Variants in ATXN1 observed in about 807,000 individuals in gnomAD.
ATXN1 encodes ataxin 1, also known as ataxin-1.
A neutral mutation model predicts 56.4 loss-of-function variants in ATXN1; 8 were observed. The ratio of observed to expected loss-of-function variants is 0.14; its 90% confidence interval spans 0.08 to 0.26. The LOEUF is 0.26. Ranked by LOEUF, ATXN1 falls within the 10% of genes least tolerant of loss-of-function variation. ATXN1 has a pLI of 1.00. For synonymous variants in ATXN1, 514 were observed against 494.6 expected (o/e 1.04, Z -0.52); for missense variants, 987 against 1,106.5 (o/e 0.89, Z 1.53).
chr6:16,480,745 ATGT>A (rs1262599826), intron 6 of ATXN1, among the ~76,000 whole-genome samples: 4 of 152,116 alleles, frequency 2.6e-5, no homozygotes, highest in African/African-American at 9.7e-5. Flanking sequence ...TAGAACACAA[ATGT>A]TGTAAAAGAT....
At chr6:16,549,894 CT>C (rs1429934341) in intron 4 of ATXN1, among the ~76,000 whole-genome samples, 35 of 71,564 alleles carry the variant, frequency 4.9e-4, no homozygotes, top group Non-Finnish European at 6.2e-4. Flanking sequence ...GAAACTCTGT[CT>C]CAAAAAAAAA....
At chr6:16,443,709 G>A (rs1331428875) in intron 6 of ATXN1, among the ~76,000 whole-genome samples, 1 of 152,226 alleles carries the variant, frequency 6.6e-6, no homozygotes, top group Non-Finnish European at 1.5e-5. Flanking sequence ...TGGTGTGAGT[G>A]AGAACTGCTA....
chr6:16,697,877 T>C (rs1037990065), intron 2 of ATXN1, among the ~76,000 whole-genome samples: 11 of 152,116 alleles, frequency 7.2e-5, no homozygotes, highest in African/African-American at 2.7e-4. Context: ...TTTTCACCAA[T>C]AAATAGCCAC....
intron 6 of ATXN1, among the ~76,000 whole-genome samples, chr6:16,476,042 T>C (rs889865744): frequency 2.6e-5 from 4 of 151,924 alleles, no homozygotes; most frequent in Admixed American, 2.6e-4. Context: ...GCTAATTTTA[T>C]ATATATTTTT....
At position 16,328,827 on chromosome 6, in the gene ATXN1, T is replaced by C. The variant is rs753740248; in HGVS notation, c.-160-357A>G. On this transcript the variant is annotated intron_variant, in intron 6 of 7. Coordinates refer to ENST00000436367, the MANE Select transcript of ATXN1 (RefSeq NM_001128164.2). This position sits in a 1 kb window ranked among gnomAD's most constrained non-coding sequence, Gnocchi z 6.2. ...CTGTAGTCCCAGCTACTTGAGAGGCTGAGGCAGGAGAATTGCTTGAACCCA... is the reference window on the plus strand; with the variant it reads ...CTGTAGTCCCAGCTACTTGAGAGGCCGAGGCAGGAGAATTGCTTGAACCCA... 8.5e-5 allele frequency among the ~76,000 whole-genome samples: 13 copies of C among 152,146 alleles called. No individual in the cohort carries two copies. The highest frequency in any genetic ancestry group is 1.5e-4 in the Non-Finnish European group (10 of 68,024).
intron 3 of ATXN1, among the ~76,000 whole-genome samples, chr6:16,632,502 C>A (rs1763522583): frequency 6.6e-6 from 1 of 152,074 alleles, no homozygotes; most frequent in South Asian, 2.1e-4. Flanking sequence ...TTGTCAATGA[C>A]CCAGAATCAC....
intron 3 of ATXN1, among the ~76,000 whole-genome samples, chr6:16,616,888 A>C (rs2113796674): frequency 6.6e-6 from 1 of 151,594 alleles, no homozygotes; most frequent in East Asian, 1.9e-4. Context: ...GTACAGTACA[A>C]GAAGATATTT....
At chr6:16,548,432 A>G (rs1198464607) in intron 4 of ATXN1, among the ~76,000 whole-genome samples, 1 of 152,224 alleles carries the variant, frequency 6.6e-6, no homozygotes, top group Non-Finnish European at 1.5e-5. Context: ...TCTTTCTTCA[A>G]TAATAAATTA....
At chr6:16,564,113 C>T (rs1248179628) in intron 4 of ATXN1, among the ~76,000 whole-genome samples, 3 of 152,172 alleles carry the variant, frequency 2.0e-5, no homozygotes, top group Non-Finnish European at 4.4e-5. Context: ...CTCTCTAAAC[C>T]TCAGCCCCCG....
At position 16,499,554 on chromosome 6, in the gene ATXN1, G is replaced by A. The variant is rs1405736868; in HGVS notation, c.-298-13445C>T. On this transcript the variant is annotated intron_variant, in intron 5 of 7. Coordinates refer to ENST00000436367, the MANE Select transcript of ATXN1 (RefSeq NM_001128164.2). The stretch of plus-strand genomic sequence containing the variant: ...TCAAAAGCAACAGTAGCTTGAAATT[G>A]CTGACTTTGGGTTGCATTTGCCTCT... Among the ~76,000 whole-genome samples the A allele has an allele frequency of 2.0e-5, 3 of 152,234 alleles. No homozygotes were observed. In the South Asian group the frequency reaches 6.2e-4, roughly 32 times the overall value.
chr6:16,742,079 A>T (rs1378163882), intron 2 of ATXN1, among the ~76,000 whole-genome samples: 2 of 152,260 alleles, frequency 1.3e-5, no homozygotes, highest in African/African-American at 4.8e-5. Context: ...TTGTATGGAA[A>T]GAGATTTTTA....
chr6:16,322,118 G>A (rs914345356), intron 7 of ATXN1, among the ~76,000 whole-genome samples: 18 of 152,120 alleles, frequency 1.2e-4, no homozygotes, highest in African/African-American at 4.1e-4. Flanking sequence ...CAGCTACTGG[G>A]GAGGCTGAGG....
intron 2 of ATXN1, chr6:16,666,469 T>A (rs1227003033): frequency 6.0e-6 from 1 of 166,166 alleles, no homozygotes; most frequent in African/African-American, 2.4e-5. Context: ...CTCTTCAATA[T>A]ACTGATTTCC....
chr6:16,479,523 A>T (rs959782889), intron 6 of ATXN1, among the ~76,000 whole-genome samples: 3 of 152,208 alleles, frequency 2.0e-5, no homozygotes, highest in Non-Finnish European at 4.4e-5. Context: ...AAAGTGAAAA[A>T]TTTAGATAAT....
At chr6:16,727,020 C>T (rs1759864932) in intron 2 of ATXN1, among the ~76,000 whole-genome samples, 1 of 152,108 alleles carries the variant, frequency 6.6e-6, no homozygotes, top group Non-Finnish European at 1.5e-5. Context: ...AAAGTCATCA[C>T]AGTTTGAAAC....
In ATXN1 at chr6:16,326,321, T is replaced by G. The variant is rs1447655905; in HGVS notation, c.1917+73A>C. 2.5e-6 allele frequency: 4 copies of G among 1,578,024 alleles called. No homozygotes were observed. In the African/African-American group the frequency reaches 4.0e-5, roughly 16 times the overall value. Reference sequence around the variant, plus strand: ...CCTTAATCCTGCCTCATAGAAGCAATTCGTCTTGCCAGGAGATGATGATGG... The same window carrying G: ...CCTTAATCCTGCCTCATAGAAGCAAGTCGTCTTGCCAGGAGATGATGATGG... On this transcript the variant is annotated intron_variant, in intron 7 of 7. Transcript: ENST00000436367. The surrounding 1 kb of genome is among the most constrained non-coding windows in gnomAD (Gnocchi z 6.6).
chr6:16,453,705 T>C (rs1339225340), intron 6 of ATXN1, among the ~76,000 whole-genome samples: 1 of 152,216 alleles, frequency 6.6e-6, no homozygotes, highest in Non-Finnish European at 1.5e-5. Flanking sequence ...GTTGTGCATA[T>C]GTCACTTTTA....
intron 6 of ATXN1, among the ~76,000 whole-genome samples, chr6:16,335,306 T>C (rs1388229089): frequency 1.3e-5 from 2 of 152,236 alleles, no homozygotes; most frequent in Non-Finnish European, 2.9e-5. Context: ...CTGAAGGCCC[T>C]GTCTAGAGAC....
chr6:16,462,457 G>A (rs1369530309), intron 6 of ATXN1, among the ~76,000 whole-genome samples: 2 of 152,150 alleles, frequency 1.3e-5, no homozygotes, highest in Non-Finnish European at 2.9e-5. Context: ...AAGGATAAGT[G>A]AAAACCTACA....
Sources: gnomAD v4.1 joint callset for allele counts (sites outside exome capture counted in the v4.1 genomes callset) on GRCh38, gnomAD v4.1.1 for gene constraint, Gnocchi (gnomAD v3.1) non-coding constraint, MANE v1.5 for transcripts, NCBI Gene and HGNC (gene_info 2026-07-23, HGNC 2026-07-21) for gene names.